Variants in WDFY4 observed in about 807,000 individuals in gnomAD.
The protein encoded by WDFY4 is WD repeat- and FYVE domain-containing protein 4.
A neutral mutation model predicts 351.9 loss-of-function variants in WDFY4; 169 were observed. The ratio of observed to expected loss-of-function variants is 0.48; its 90% confidence interval spans 0.42 to 0.55. WDFY4 has a LOEUF of 0.55. WDFY4 is among the 20% of genes least tolerant of loss of function. WDFY4 has a pLI of 0.00. For missense variants in WDFY4, 3,803 were observed against 3,935.6 expected (o/e 0.97, Z 0.90); for synonymous variants, 1,622 against 1,574.6 (o/e 1.03, Z -0.71).
chr10:48,800,555 G>A (rs1370524331), intron 24 of WDFY4, among the ~76,000 whole-genome samples: 1 of 152,104 alleles, frequency 6.6e-6, no homozygotes, highest in Non-Finnish European at 1.5e-5. Context: ...TTGAGGCAAG[G>A]TTGGACAGGA....
At chr10:48,758,651 T>C (rs2065406055) in intron 12 of WDFY4, among the ~76,000 whole-genome samples, 1 of 152,236 alleles carries the variant, frequency 6.6e-6, no homozygotes, top group Non-Finnish European at 1.5e-5. Context: ...TATTGCTCCA[T>C]CTTCGTGTTC....
intron 1 of WDFY4, among the ~76,000 whole-genome samples, chr10:48,689,437 A>G (rs1409269812): frequency 6.6e-6 from 1 of 152,244 alleles, no homozygotes; most frequent in Non-Finnish European, 1.5e-5. Flanking sequence ...GATGTTACAA[A>G]CTAACAACAA....
At chr10:48,780,766 G>A (rs979053178) in intron 19 of WDFY4, among the ~76,000 whole-genome samples, 1 of 152,176 alleles carries the variant, frequency 6.6e-6, no homozygotes, top group Non-Finnish European at 1.5e-5. Flanking sequence ...GGCAGGTAGG[G>A]CTGGATTTTC....
intron 12 of WDFY4, chr10:48,745,881 C>G (rs77188950): frequency 7.2e-6 from 2 of 279,368 alleles, no homozygotes; most frequent in Middle Eastern, 1.2e-3. Flanking sequence ...GACCGCGGGC[C>G]CTGCACTGTC....
chr10:48,813,903 G>C (rs191377899), intron 30 of WDFY4, 54 bp from the exon 31 acceptor site: 1 of 1,435,128 alleles, frequency 7.0e-7, no homozygotes, highest in African/African-American at 1.4e-5. Flanking sequence ...TGCAAAGCTC[G>C]TTCTCTTGGT....
chr10:48,862,135 A>G (rs2069366157), intron 39 of WDFY4, among the ~76,000 whole-genome samples: 1 of 152,232 alleles, frequency 6.6e-6, no homozygotes, highest in African/African-American at 2.4e-5. Flanking sequence ...TCTTTGTCAA[A>G]TAGTTCTAAC....
intron 39 of WDFY4, among the ~76,000 whole-genome samples, chr10:48,862,935 A>C (rs2069396010): frequency 6.6e-6 from 1 of 152,244 alleles, no homozygotes; most frequent in Admixed American, 6.5e-5. Context: ...ATTTCATATA[A>C]ATGGAATCAT....
intron 51 of WDFY4, among the ~76,000 whole-genome samples, chr10:48,951,677 G>C (rs550934765): frequency 3.5e-4 from 54 of 152,350 alleles, no homozygotes; most frequent in African/African-American, 1.2e-3. Context: ...TGTTGCCCAA[G>C]CTGGAAAATG....
chr10:48,766,990 AGAAGCCCACCCAAAT>A (rs1244585516), intron 13 of WDFY4, among the ~76,000 whole-genome samples: 2 of 152,264 alleles, frequency 1.3e-5, no homozygotes, highest in African/African-American at 2.4e-5. Flanking sequence ...AAACAGAAGC[AGAAGCCCACCCAAAT>A]GAAGCCCACC....
chr10:48,916,871 ATGTGTGTGTGTG>A lies in WDFY4; in HGVS notation c.7586+15036_7586+15047del, dbSNP rs55891907. 8.4e-3 allele frequency among the ~76,000 whole-genome samples: 1,249 copies of A among 149,384 alleles called. 11 individuals are homozygous for A. The highest frequency in any genetic ancestry group is 0.017 in the African/African-American group (704 of 40,578). On this transcript the variant is annotated intron_variant, in intron 47 of 61. Coordinates refer to ENST00000325239, the MANE Select transcript of WDFY4 (RefSeq NM_001394531.1). ...AAGTAAAAAGTCCTGCTTTAAAAAT[ATGTGTGTGTGTG>A]TGTGTGTGTGTGTGTGTGTGTGTGT...
At position 48,941,719 on chromosome 10, in the gene WDFY4, C is replaced by T. The variant is rs545869270; in HGVS notation, c.7587-87C>T. 54 of 1,391,968 alleles carry T rather than the reference C, an allele frequency of 3.9e-5. No individual in the cohort carries two copies. The Middle Eastern group carries it at 7.1e-4, about 18-fold the overall frequency. 86.2% of individuals were successfully genotyped at this position (1,391,968 alleles called of 1,614,324 possible). ...GCAGCTTTCCTGAACACCCTGGTCCCGTGAAGCCCAGGCAAGCCCCACCTC... is the reference window on the plus strand; with the variant it reads ...GCAGCTTTCCTGAACACCCTGGTCCTGTGAAGCCCAGGCAAGCCCCACCTC... On this transcript the variant is annotated intron_variant, in intron 47 of 61. Coordinates refer to ENST00000325239, the MANE Select transcript of WDFY4 (RefSeq NM_001394531.1).
At chr10:48,925,180 C>G (rs1040936393) in intron 47 of WDFY4, among the ~76,000 whole-genome samples, 2 of 152,222 alleles carry the variant, frequency 1.3e-5, no homozygotes, top group East Asian at 3.8e-4. Context: ...TCCCGACCCT[C>G]ATATTTACTG....
intron 24 of WDFY4, chr10:48,802,832 T>G (rs1426294101): frequency 2.1e-6 from 1 of 475,800 alleles, no homozygotes; most frequent in Admixed American, 2.3e-5. Context: ...GTACCTGGCT[T>G]CTATTTCCTG....
At chr10:48,886,846 C>CT (rs1405810121) in intron 43 of WDFY4, among the ~76,000 whole-genome samples, 1 of 152,202 alleles carries the variant, frequency 6.6e-6, no homozygotes, top group Non-Finnish European at 1.5e-5. Flanking sequence ...GCTAATATAT[C>CT]ATTCAGTTGA....
At chr10:48,856,527 A>G (rs1431551455) in intron 39 of WDFY4, among the ~76,000 whole-genome samples, 1 of 152,074 alleles carries the variant, frequency 6.6e-6, no homozygotes, top group African/African-American at 2.4e-5. Context: ...GTACATGTGC[A>G]GTAAGTGCAG....
chr10:48,949,293 C>T (rs571280586), intron 51 of WDFY4, among the ~76,000 whole-genome samples: 1 of 152,290 alleles, frequency 6.6e-6, no homozygotes, highest in Admixed American at 6.5e-5. Flanking sequence ...TGGCCCGAGC[C>T]TTTGAACCAG....
chr10:48,901,937 CT>C, intron 47 of WDFY4, 74 bp downstream of exon 47: 1 of 1,382,618 alleles, frequency 7.2e-7, no homozygotes, highest in South Asian at 1.2e-5. Flanking sequence ...CCTCATCCCA[CT>C]CTAAAGAAGT....
chr10:48,910,384 A>AT, intron 47 of WDFY4: 1 of 799,768 alleles, frequency 1.3e-6, no homozygotes. Flanking sequence ...GGTTAGTGTG[A>AT]ATGGGGGTTT....
intron 34 of WDFY4, among the ~76,000 whole-genome samples, chr10:48,821,681 T>G (rs1399998167): frequency 6.6e-6 from 1 of 152,200 alleles, no homozygotes; most frequent in Non-Finnish European, 1.5e-5. Context: ...ACAAAAGCCT[T>G]TTCTGTGGTT....
Sources: allele counts gnomAD v4.1 joint callset (sites outside exome capture counted in the v4.1 genomes callset), GRCh38; gene constraint gnomAD v4.1.1; transcripts MANE v1.5; gene names NCBI Gene and HGNC (gene_info 2026-07-23, HGNC 2026-07-21).